EXTL3: variants seen among roughly 807,000 people sequenced by gnomAD.
The protein encoded by EXTL3 is exostosin-like 3.
A neutral mutation model predicts 69.3 loss-of-function variants in EXTL3; 27 were observed. The observed-to-expected ratio is 0.39, with a 90% CI of 0.29 to 0.54. The LOEUF is 0.54. EXTL3 is among the 20% of genes least tolerant of loss of function. EXTL3 has a pLI of 0.69. For synonymous variants in EXTL3, 511 were observed against 499.4 expected (o/e 1.02, Z -0.31); for missense variants, 1,003 against 1,231.8 (o/e 0.81, Z 2.78).
intron 1 of EXTL3, among the ~76,000 whole-genome samples, chr8:28,702,530 G>T (rs904427945): frequency 1.3e-5 from 2 of 151,998 alleles, no homozygotes; most frequent in Non-Finnish European, 2.9e-5. Flanking sequence ...GCTCTCAGAA[G>T]ACTTAAATTT....
chr8:28,635,037 C>T (rs553793361), intron 1 of EXTL3, among the ~76,000 whole-genome samples: 1 of 151,966 alleles, frequency 6.6e-6, no homozygotes, highest in Non-Finnish European at 1.5e-5. Flanking sequence ...ACCATGGTAA[C>T]CTGGAGTGTG....
At chr8:28,664,267 C>G (rs1466234183) in intron 1 of EXTL3, among the ~76,000 whole-genome samples, 1 of 152,226 alleles carries the variant, frequency 6.6e-6, no homozygotes, top group Non-Finnish European at 1.5e-5. Flanking sequence ...TGGTCACATT[C>G]TGGTAGGGAC....
intron 4 of EXTL3, among the ~76,000 whole-genome samples, chr8:28,736,490 G>T (rs968705479): frequency 6.6e-6 from 1 of 152,158 alleles, no homozygotes; most frequent in African/African-American, 2.4e-5. Flanking sequence ...TATAAATTTG[G>T]AGATGATATA....
intron 1 of EXTL3, among the ~76,000 whole-genome samples, chr8:28,646,246 T>G (rs1223958467): frequency 6.6e-6 from 1 of 152,230 alleles, no homozygotes; most frequent in Non-Finnish European, 1.5e-5. Context: ...TCAGAAGTAA[T>G]CAATTACAAA....
chr8:28,668,271 AAAAAG>A (rs1222825861), intron 1 of EXTL3, among the ~76,000 whole-genome samples: 5 of 147,316 alleles, frequency 3.4e-5, no homozygotes, highest in African/African-American at 5.1e-5. Context: ...AAAAAAAAAA[AAAAAG>A]AAAAGAAAAA....
chr8:28,668,844 C>A (rs1269847734), intron 1 of EXTL3, among the ~76,000 whole-genome samples: 4 of 142,148 alleles, frequency 2.8e-5, no homozygotes, highest in African/African-American at 1.1e-4. Flanking sequence ...TAGCATACCC[C>A]TGCCTCCTTT....
intron 4 of EXTL3, among the ~76,000 whole-genome samples, chr8:28,733,500 G>C (rs1441283448): frequency 6.6e-6 from 1 of 151,824 alleles, no homozygotes; most frequent in African/African-American, 2.4e-5. Flanking sequence ...CTGGGCTCAA[G>C]TGATCCTCCT....
chr8:28,622,054 C>G (rs765689293), upstream of EXTL3, among the ~76,000 whole-genome samples: 48 of 152,224 alleles, frequency 3.2e-4, no homozygotes, highest in Admixed American at 1.8e-3. Flanking sequence ...AATTTTAGCC[C>G]CTGTCACACA....
At chr8:28,617,923 G>A (rs1199660250), upstream of EXTL3, among the ~76,000 whole-genome samples, 1 of 152,182 alleles carries the variant, frequency 6.6e-6, no homozygotes, top group Non-Finnish European at 1.5e-5. Flanking sequence ...CCATTTATAT[G>A]AAATATCTAG....
intron 1 of EXTL3, among the ~76,000 whole-genome samples, chr8:28,708,704 G>A (rs1800971379): frequency 6.6e-6 from 1 of 152,138 alleles, no homozygotes; most frequent in South Asian, 2.1e-4. Context: ...AGGGCTCCTG[G>A]TGATGGCAGC....
chr8:28,669,744 G>C (rs868841554), intron 1 of EXTL3, among the ~76,000 whole-genome samples: 2 of 152,114 alleles, frequency 1.3e-5, no homozygotes, highest in East Asian at 3.8e-4. Flanking sequence ...AGAAAAATTA[G>C]CATCACCCAG....
In EXTL3 at chr8:28,717,421, C is replaced by G; in HGVS notation, c.1362C>G (p.Ala454=). 6.2e-6 allele frequency: 10 copies of G among 1,614,174 alleles called. No homozygotes were observed. Among genetic ancestry groups the G allele is most frequent in the Non-Finnish European group, 8.5e-6 (10 of 1,180,028 alleles). The change falls in exon 3 of 7, where the codon GCC becomes GCG. Residue 454 remains alanine (A), a synonymous_variant. Coordinates refer to ENST00000220562, the MANE Select transcript of EXTL3 (RefSeq NM_001440.4). This position sits in a 1 kb window ranked among gnomAD's most constrained non-coding sequence, Gnocchi z 8.3. ...SSGCATRLFE[A]LEVGAVPVVL... Reference sequence around the variant, plus strand: ...GGTGTGCAACACGGCTCTTCGAAGCCCTGGAAGTCGGTGCCGTCCCGGTGG... The same window carrying G: ...GGTGTGCAACACGGCTCTTCGAAGCGCTGGAAGTCGGTGCCGTCCCGGTGG...
At chr8:28,688,652 A>G (rs1194141409) in intron 1 of EXTL3, among the ~76,000 whole-genome samples, 1 of 152,180 alleles carries the variant, frequency 6.6e-6, no homozygotes, top group Non-Finnish European at 1.5e-5. Context: ...CCGTGTTGTA[A>G]GATGATGGTA....
chr8:28,626,115 T>G (rs1187497849), intron 1 of EXTL3, among the ~76,000 whole-genome samples: 1 of 138,498 alleles, frequency 7.2e-6, no homozygotes, highest in Admixed American at 7.4e-5. Flanking sequence ...GAGGTTACAG[T>G]GAGCTGAGAT....
intron 1 of EXTL3, among the ~76,000 whole-genome samples, chr8:28,628,041 A>C (rs1806518713): frequency 6.6e-6 from 1 of 152,188 alleles, no homozygotes; most frequent in Admixed American, 6.5e-5. Flanking sequence ...GAACGTGCTT[A>C]ATGTCATACA....
At chr8:28,667,214 AC>A (rs1807210800) in intron 1 of EXTL3, among the ~76,000 whole-genome samples, 2 of 152,316 alleles carry the variant, frequency 1.3e-5, no homozygotes, top group South Asian at 4.1e-4. Context: ...CCTGAATATA[AC>A]AGTGGCAGCT....
At chr8:28,688,681 T>C (rs1320094944) in intron 1 of EXTL3, among the ~76,000 whole-genome samples, 7 of 152,216 alleles carry the variant, frequency 4.6e-5, no homozygotes. Flanking sequence ...TGAGTTATTC[T>C]CTTATTTTCC....
In EXTL3 at chr8:28,717,919, C is replaced by T. The variant is rs775735115; in HGVS notation, c.1860C>T (p.Asp620=). The part of the protein sequence containing the change: ...PFHLFPHTPF[D]PVLPSEAKFL... Reference sequence around the variant, plus strand: ...ATCTTTTCCCCCACACTCCCTTTGACCCTGTGTTGCCCTCAGAGGCCAAAT... The same window carrying T: ...ATCTTTTCCCCCACACTCCCTTTGATCCTGTGTTGCCCTCAGAGGCCAAAT... The change falls in exon 3 of 7, where the codon GAC becomes GAT. Residue 620 remains aspartate, a synonymous_variant. Coordinates refer to ENST00000220562, the MANE Select transcript of EXTL3 (RefSeq NM_001440.4). This position sits in a 1 kb window ranked among gnomAD's most constrained non-coding sequence, Gnocchi z 8.3. The T allele has an allele frequency of 4.3e-6, 7 of 1,614,242 alleles. No individual in the cohort carries two copies. The South Asian group carries it at 7.7e-5, about 18-fold the overall frequency.
At chr8:28,733,867 G>T (rs1346544440) in intron 4 of EXTL3, among the ~76,000 whole-genome samples, 1 of 150,748 alleles carries the variant, frequency 6.6e-6, no homozygotes, top group African/African-American at 2.4e-5. Flanking sequence ...ACCCAGGCTG[G>T]AGTGCAGTGG....
Sources: allele counts gnomAD v4.1 joint callset (sites outside exome capture counted in the v4.1 genomes callset), GRCh38; gene constraint gnomAD v4.1.1; non-coding constraint Gnocchi (gnomAD v3.1); transcripts MANE v1.5; gene names NCBI Gene and HGNC (gene_info 2026-07-23, HGNC 2026-07-21).